The following CEP164 variants were observed in gnomAD, a reference collection of about 807,000 sequenced individuals.
CEP164 encodes centrosomal protein 164.
A neutral mutation model predicts 182.7 loss-of-function variants in CEP164; 162 were observed. The observed-to-expected ratio is 0.89, with a 90% CI of 0.78 to 1.01. The LOEUF (loss-of-function observed/expected upper bound fraction) is 1.01. Ranked by LOEUF, CEP164 falls within the 50% of genes least tolerant of loss-of-function variation. The probability of loss-of-function intolerance (pLI) is 0.00; values close to 1 mark genes in which losing one functional copy is unlikely to be tolerated. For synonymous variants in CEP164, 661 were observed against 690.0 expected (o/e 0.96, Z 0.66); for missense variants, 1,735 against 1,790.4 (o/e 0.97, Z 0.56).
At chr11:117,400,526 G>A (rs1220272054) in intron 27 of CEP164, among the ~76,000 whole-genome samples, 1 of 152,206 alleles carries the variant, frequency 6.6e-6, no homozygotes, top group Non-Finnish European at 1.5e-5. Flanking sequence ...TGTGAAGAAA[G>A]TCAATGGTAG....
At chr11:117,363,011 G>T (rs748103468) in intron 7 of CEP164, among the ~76,000 whole-genome samples, 2 of 152,184 alleles carry the variant, frequency 1.3e-5, no homozygotes, top group Non-Finnish European at 2.9e-5. Flanking sequence ...TTTTAAGGCT[G>T]AATAATATTC....
In CEP164 at chr11:117,411,390, C is replaced by A; in HGVS notation, c.4164-405C>A. On this transcript the variant is annotated intron_variant, in intron 31 of 32. Coordinates refer to ENST00000278935, the MANE Select transcript of CEP164 (RefSeq NM_014956.5). The surrounding 1 kb of genome is among the most constrained non-coding windows in gnomAD (Gnocchi z 4.4). ...CCTGTTATTAATTTTCCATTCATCT[C>A]ATTCCTTGCCAAATGTTTTCCCCTC... 1 of 253,298 alleles carries A rather than the reference C, an allele frequency of 3.9e-6. No individual in the cohort carries two copies. Among genetic ancestry groups the A allele is most frequent in the East Asian group, 9.3e-5 (1 of 10,788 alleles). The allele number at this position is 253,298 out of a possible 1,614,324, so 15.7% of individuals were successfully genotyped here.
At chr11:117,392,767 T>G in intron 19 of CEP164, 140 bp downstream of exon 19, 1 of 1,303,868 alleles carries the variant, frequency 7.7e-7, no homozygotes, top group South Asian at 1.4e-5. Context: ...TCCCTTTTTA[T>G]GCCTTAGTTC....
chr11:117,407,512 G>T (rs559468096), intron 27 of CEP164, among the ~76,000 whole-genome samples: 1 of 150,566 alleles, frequency 6.6e-6, no homozygotes, highest in East Asian at 1.9e-4. Context: ...AAAAAGCCAG[G>T]TGTGGTGGCA....
upstream of CEP164, among the ~76,000 whole-genome samples, chr11:117,324,481 T>TC (rs1479724533): frequency 1.3e-5 from 2 of 151,194 alleles, no homozygotes; most frequent in East Asian, 3.9e-4. Context: ...TTTGTTATTT[T>TC]CCCCCCAAAG....
intron 4 of CEP164, among the ~76,000 whole-genome samples, chr11:117,350,344 C>T (rs1182764601): frequency 6.6e-6 from 1 of 152,168 alleles, no homozygotes; most frequent in African/African-American, 2.4e-5. Flanking sequence ...ACTGGGACTA[C>T]AGACGTGTGT....
chr11:117,389,968 A>G (rs2044417901), intron 15 of CEP164, among the ~76,000 whole-genome samples: 1 of 128,666 alleles, frequency 7.8e-6, no homozygotes, highest in East Asian at 2.3e-4. Context: ...TTGGAGATAG[A>G]GTCTTGCTCT....
chr11:117,412,119 T>G lies in CEP164; in HGVS notation c.4334T>G (p.Leu1445Arg). The change falls in exon 33 of 33, where the codon CTG becomes CGG. Residue 1445 changes from leucine (L) to arginine (R), a missense_variant. Physicochemically the swap from Leu to Arg is moderately radical, Grantham distance 102. Transcript: ENST00000278935. Reference sequence around the variant, plus strand: ...AAGCCAAAAGCTACTTTGAGCCTCCTGCAGCTGGGCCTTGATGAGCACAAC... The same window carrying G: ...AAGCCAAAAGCTACTTTGAGCCTCCGGCAGCTGGGCCTTGATGAGCACAAC... ...TPKPKATLSLLQLGLDEHNRV... is the reference protein window; with the variant it reads ...TPKPKATLSLRQLGLDEHNRV... 6.2e-7 allele frequency: 1 copy of G among 1,614,214 alleles called. No homozygotes were observed. Among genetic ancestry groups the G allele is most frequent in the Non-Finnish European group, 8.5e-7 (1 of 1,180,042 alleles).
Position 117,409,179 on chromosome 11 carries a change from G to A in CEP164, c.3748+151G>A. On this transcript the variant is annotated intron_variant, in intron 29 of 32. Transcript: ENST00000278935. This position sits in a 1 kb window ranked among gnomAD's most constrained non-coding sequence, Gnocchi z 4.4. ...TAGGTGCTCGGTCAGTGCTGGGAAG[G>A]AATCACACCATCTAGGTTTGCCAGC... The A allele has an allele frequency of 6.7e-6, 7 of 1,039,676 alleles. No homozygotes were observed. The highest frequency in any genetic ancestry group is 9.7e-6 in the Non-Finnish European group (7 of 724,526). 64.4% of individuals were successfully genotyped at this position (1,039,676 alleles called of 1,614,324 possible).
At position 117,392,752 on chromosome 11, in the gene CEP164, C is replaced by G; in HGVS notation, c.2493+125C>G. Reference sequence around the variant, plus strand: ...GATGGCTCAGCTGGGGTTAGCATTTCTAGTTCCCTTTTTATGCCTTAGTTC... The same window carrying G: ...GATGGCTCAGCTGGGGTTAGCATTTGTAGTTCCCTTTTTATGCCTTAGTTC... On this transcript the variant is annotated intron_variant, in intron 19 of 32. Coordinates refer to ENST00000278935, the MANE Select transcript of CEP164 (RefSeq NM_014956.5). 4 of 1,384,864 alleles carry G rather than the reference C, an allele frequency of 2.9e-6. No individual in the cohort carries two copies. In the South Asian group the frequency reaches 5.5e-5, roughly 19 times the overall value. The allele number at this position is 1,384,864 out of a possible 1,614,324, so 85.8% of individuals were successfully genotyped here.
In CEP164 at chr11:117,413,211, G is replaced by C. The variant is rs563515588; in HGVS notation, c.*1043G>C. ...GGGGGCTTTGCAGGGGATGCTCTCTGATGTTTGTTCCGTTGTTTAAATAAA... is the reference window on the plus strand; with the variant it reads ...GGGGGCTTTGCAGGGGATGCTCTCTCATGTTTGTTCCGTTGTTTAAATAAA... On this transcript the variant is annotated 3_prime_UTR_variant, in exon 33 of 33. Coordinates refer to ENST00000278935, the MANE Select transcript of CEP164 (RefSeq NM_014956.5). 6.6e-6 allele frequency: 1 copy of C among 152,236 alleles called. No homozygotes were observed. The highest frequency in any genetic ancestry group is 1.9e-4 in the East Asian group (1 of 5,178). 9.4% of individuals were successfully genotyped at this position (152,236 alleles called of 1,614,324 possible).
At chr11:117,373,161 G>C (rs2042391347) in intron 9 of CEP164, among the ~76,000 whole-genome samples, 1 of 152,124 alleles carries the variant, frequency 6.6e-6, no homozygotes, top group South Asian at 2.1e-4. Flanking sequence ...TTGAGGTCAG[G>C]AGTTCGAGAT....
At chr11:117,352,959 C>T (rs1177822712) in intron 5 of CEP164, among the ~76,000 whole-genome samples, 1 of 152,016 alleles carries the variant, frequency 6.6e-6, no homozygotes, top group Admixed American at 6.6e-5. Flanking sequence ...TTTATTTGTC[C>T]CTTTAGTACA....
rs1470527419 is a variant in CEP164 at position 117,393,246 on chromosome 11, A to T, written c.2616+120A>T. On this transcript the variant is annotated intron_variant, in intron 20 of 32. Transcript: ENST00000278935. ...GCACACACACCCCGGGGTCCTTCCC[A>T]CCTGGCTGTGGGGCAGAGGAAGGGG... 4.9e-6 allele frequency: 7 copies of T among 1,424,790 alleles called. No individual in the cohort carries two copies. In the Middle Eastern group the frequency reaches 1.4e-3, roughly 294 times the overall value. 88.3% of individuals were successfully genotyped at this position (1,424,790 alleles called of 1,614,324 possible). A position where few individuals can be genotyped will look rare whatever the true frequency, so the allele number is the denominator to read the frequency against.
At chr11:117,345,523 T>G (rs1592052270) in intron 4 of CEP164, among the ~76,000 whole-genome samples, 1 of 152,320 alleles carries the variant, frequency 6.6e-6, no homozygotes, top group African/African-American at 2.4e-5. Flanking sequence ...TCCCCTCTTC[T>G]GCTGGTTTTG....
intron 28 of CEP164, 97 bp from the exon 29 acceptor site, chr11:117,408,793 A>C (rs1592503896): frequency 6.7e-7 from 1 of 1,493,806 alleles, no homozygotes; most frequent in Non-Finnish European, 9.2e-7. Context: ...ATAAAGAAGA[A>C]CCTAGCTCAG....
intron 12 of CEP164, among the ~76,000 whole-genome samples, chr11:117,381,324 C>G (rs143905817): frequency 3.9e-5 from 6 of 152,188 alleles, no homozygotes; most frequent in African/African-American, 1.4e-4. Context: ...CTAGTTTGAC[C>G]TCTTGAGTCT....
chr11:117,335,468 T>G (rs1289035702), intron 1 of CEP164, 137 bp from the exon 2 acceptor site: 1 of 152,090 alleles, frequency 6.6e-6, no homozygotes, highest in Non-Finnish European at 1.5e-5. Flanking sequence ...AGGGGGGCCA[T>G]AGTAAACAAT....
chr11:117,373,736 G>C lies in CEP164; in HGVS notation c.1153-15G>C. On this transcript the variant is annotated splice_polypyrimidine_tract_variant and intron_variant, in intron 9 of 32. Coordinates refer to ENST00000278935, the MANE Select transcript of CEP164 (RefSeq NM_014956.5). Reference sequence around the variant, plus strand: ...CTCTGCTCTGAGGGATTTCTCTGTGGGTCTGTCTCTCCAGGAACTGGAAAT... The same window carrying C: ...CTCTGCTCTGAGGGATTTCTCTGTGCGTCTGTCTCTCCAGGAACTGGAAAT... 1 of 1,611,944 alleles carries C rather than the reference G, an allele frequency of 6.2e-7. No individual in the cohort carries two copies. Among genetic ancestry groups the C allele is most frequent in the Non-Finnish European group, 8.5e-7 (1 of 1,178,088 alleles).
Sources: allele counts gnomAD v4.1 joint callset (sites outside exome capture counted in the v4.1 genomes callset), GRCh38; gene constraint gnomAD v4.1.1; non-coding constraint Gnocchi (gnomAD v3.1); transcripts MANE v1.5; gene names NCBI Gene and HGNC (gene_info 2026-07-23, HGNC 2026-07-21).